Variants in ERC1 observed in about 807,000 individuals in gnomAD.
ERC1 encodes RAB6 interacting protein 2.
Under a neutral mutation model 132.0 loss-of-function variants are expected in ERC1, and 56 were observed. The ratio of observed to expected loss-of-function variants is 0.42; its 90% CI spans 0.34 to 0.53. ERC1 has a LOEUF of 0.53. Ranked by LOEUF, ERC1 falls within the 20% of genes least tolerant of loss-of-function variation. ERC1 has a pLI of 0.03. For synonymous variants in ERC1, 478 were observed against 476.1 expected (o/e 1.00, Z -0.05); for missense variants, 1,202 against 1,349.9 (o/e 0.89, Z 1.72).
At chr12:1,126,785 C>T (rs1168667946) in intron 7 of ERC1, among the ~76,000 whole-genome samples, 4 of 151,870 alleles carry the variant, frequency 2.6e-5, no homozygotes, top group South Asian at 2.1e-4. Flanking sequence ...GTCAAGAGAT[C>T]GACACCATTC....
Position 1,246,274 on chromosome 12 carries a change from A to G in ERC1, c.2487+9370A>G, listed in dbSNP as rs139488351. Among the ~76,000 whole-genome samples the G allele has an allele frequency of 5.7e-3, 861 of 151,766 alleles. 5 individuals carry two copies. The highest frequency in any genetic ancestry group is 0.02 in the African/African-American group (825 of 41,320). ...AGGTGGGAGAGTGCTTAAATTCACC[A>G]TGGTGAATCTACACAAAGGAGACTG... On this transcript the variant is annotated intron_variant, in intron 13 of 18. Transcript: ENST00000360905.
intron 2 of ERC1, among the ~76,000 whole-genome samples, chr12:1,061,574 G>C (rs77474978): frequency 1.3e-5 from 2 of 152,114 alleles, no homozygotes; most frequent in Non-Finnish European, 2.9e-5. Flanking sequence ...CTGCACTCCA[G>C]CCGGGGTGAC....
Position 1,334,970 on chromosome 12 carries a change from T to C in ERC1, c.2781-36863T>C, listed in dbSNP as rs1595066844. ...CTGCTTGGTTAGCTGTATTCGTAGG[T>C]ATTTTATACTTTTTCAGGCACGTGT... On this transcript the variant is annotated intron_variant, in intron 15 of 18. Transcript: ENST00000360905. 3.3e-5 allele frequency among the ~76,000 whole-genome samples: 5 copies of C among 152,176 alleles called. No individual in the cohort carries two copies. In the South Asian group the frequency reaches 8.3e-4, roughly 25 times the overall value.
chr12:1,458,276 T>A (rs2154419591), intron 18 of ERC1, among the ~76,000 whole-genome samples: 1 of 152,326 alleles, frequency 6.6e-6, no homozygotes, highest in East Asian at 1.9e-4. Context: ...GAGAGACTGG[T>A]TACATACCAG....
chr12:1,336,803 ATT>A (rs1366353374), intron 15 of ERC1, among the ~76,000 whole-genome samples: 2 of 143,280 alleles, frequency 1.4e-5, no homozygotes, highest in Non-Finnish European at 3.1e-5. Flanking sequence ...ATCTTTATTA[ATT>A]TTTTTTTTTT....
At chr12:1,299,620 A>T (rs2080235558) in intron 15 of ERC1, among the ~76,000 whole-genome samples, 1 of 152,226 alleles carries the variant, frequency 6.6e-6, no homozygotes, top group Non-Finnish European at 1.5e-5. Flanking sequence ...CACAGTAAGT[A>T]GGATAACGGA....
At chr12:1,318,391 A>C (rs2081908825) in intron 15 of ERC1, among the ~76,000 whole-genome samples, 1 of 152,182 alleles carries the variant, frequency 6.6e-6, no homozygotes, top group South Asian at 2.1e-4. Flanking sequence ...CCGTACTCTG[A>C]AAAAATGTGG....
At chr12:1,393,445 G>A (rs976930422) in intron 16 of ERC1, among the ~76,000 whole-genome samples, 1 of 152,190 alleles carries the variant, frequency 6.6e-6, no homozygotes, top group Non-Finnish European at 1.5e-5. Flanking sequence ...GAGATGGGAA[G>A]ATCGCTTGAG....
At chr12:1,125,135 C>T (rs1223031447) in intron 7 of ERC1, among the ~76,000 whole-genome samples, 1 of 152,020 alleles carries the variant, frequency 6.6e-6, no homozygotes, top group African/African-American at 2.4e-5. Flanking sequence ...GCTGGGACTA[C>T]AGGTGCATGC....
intron 6 of ERC1, chr12:1,115,665 T>G (rs1198009863): frequency 4.3e-6 from 2 of 469,356 alleles, no homozygotes; most frequent in Non-Finnish European, 3.8e-6. Flanking sequence ...ATTTCCCTAT[T>G]GGTTGAATAA....
intron 17 of ERC1, among the ~76,000 whole-genome samples, chr12:1,411,845 A>G (rs926427615): frequency 6.6e-6 from 1 of 152,204 alleles, no homozygotes; most frequent in Non-Finnish European, 1.5e-5. Flanking sequence ...AATCAGAGGA[A>G]GCCTGTTGGT....
At chr12:1,218,286 T>G (rs1958609977) in intron 12 of ERC1, among the ~76,000 whole-genome samples, 1 of 152,168 alleles carries the variant, frequency 6.6e-6, no homozygotes, top group East Asian at 1.9e-4. Context: ...CCTATCCCAG[T>G]TGCCCAACCT....
rs143595866 is a variant in ERC1 at position 1,027,851 on chromosome 12, TTTG to T, written c.-37_-35del. On this transcript the variant is annotated 5_prime_UTR_variant, in exon 2 of 19. Transcript: ENST00000360905. ...AGAGACACCTCACAAGGTTCCCATTTTTGTTGTTGTTGTTGTTGATTTTCTGCT... is the reference window on the plus strand; with the variant it reads ...AGAGACACCTCACAAGGTTCCCATTTTTGTTGTTGTTGTTGATTTTCTGCT... 515 of 1,465,452 alleles carry T rather than the reference TTTG, an allele frequency of 3.5e-4. No individual in the cohort carries two copies. The East Asian group carries it at 7.5e-3, about 21-fold the overall frequency. The allele number at this position is 1,465,452 out of a possible 1,614,324, so 90.8% of individuals were successfully genotyped here. A position where few individuals can be genotyped will look rare whatever the true frequency, so the allele number is the denominator to read the frequency against.
At chr12:1,167,598 A>AT (rs58539395) in intron 8 of ERC1, among the ~76,000 whole-genome samples, 2,410 of 151,770 alleles carry the variant, frequency 0.016, 76 homozygotes, top group African/African-American at 0.054. Flanking sequence ...GACTTCCTCA[A>AT]TTTTTTCTCC....
chr12:1,180,639 A>G lies in ERC1; in HGVS notation c.1837A>G (p.Thr613Ala). 6.2e-7 allele frequency: 1 copy of G among 1,613,998 alleles called. No homozygotes were observed. The highest frequency in any genetic ancestry group is 8.5e-7 in the Non-Finnish European group (1 of 1,180,034). ...GCAGGCTGACACCACCAACACTGAC[A>G]CTGCCTTGACAACTTTGGAGGAGGC... ...SLQADTTNTDTALTTLEEALA... is the reference protein window; with the variant it reads ...SLQADTTNTDAALTTLEEALA... Residue 613 changes from threonine to alanine, a missense_variant, in exon 9 of 19, where the codon ACT becomes GCT. Coordinates refer to ENST00000360905, the MANE Select transcript of ERC1 (RefSeq NM_178040.4).
intron 2 of ERC1, among the ~76,000 whole-genome samples, chr12:1,052,990 A>C (rs1972300829): frequency 6.6e-6 from 1 of 152,022 alleles, no homozygotes; most frequent in Non-Finnish European, 1.5e-5. Flanking sequence ...AAAAATTGTC[A>C]GCTGCAATCA....
chr12:1,473,630 A>T (rs1357430754), intron 18 of ERC1, among the ~76,000 whole-genome samples: 1 of 18,768 alleles, frequency 5.3e-5, no homozygotes, highest in Admixed American at 1.3e-3. Flanking sequence ...ACTCTATCTC[A>T]AAAAAAAAAA....
intron 2 of ERC1, among the ~76,000 whole-genome samples, chr12:1,081,590 C>G (rs1362218376): frequency 1.3e-5 from 2 of 152,184 alleles, no homozygotes; most frequent in Non-Finnish European, 2.9e-5. Context: ...GCTTAAACCT[C>G]TCTAAGCCTC....
intron 17 of ERC1, among the ~76,000 whole-genome samples, chr12:1,437,074 C>A (rs966147062): frequency 6.6e-6 from 1 of 152,144 alleles, no homozygotes; most frequent in African/African-American, 2.4e-5. Flanking sequence ...GAACTGAATT[C>A]AAAGTGTTTT....
Sources: allele counts gnomAD v4.1 joint callset (sites outside exome capture counted in the v4.1 genomes callset), GRCh38; gene constraint gnomAD v4.1.1; transcripts MANE v1.5; gene names NCBI Gene and HGNC (gene_info 2026-07-23, HGNC 2026-07-21).